Variants in MAP7D3 observed in about 807,000 individuals in gnomAD.
MAP7D3 encodes MAP7 domain-containing protein 3.
MAP7D3 carries 45 observed loss-of-function variants against 62.2 expected under a neutral mutation model. That is an observed-to-expected ratio of 0.72 (90% CI 0.57 to 0.93). The LOEUF is 0.93. MAP7D3 is among the 40% of genes least tolerant of loss of function. MAP7D3 has a pLI of 0.00. For synonymous variants in MAP7D3, 288 were observed against 248.8 expected, an observed-to-expected ratio of 1.16 and a Z score of -1.48; for missense variants, 711 against 683.1, an observed-to-expected ratio of 1.04 and a Z score of -0.45.
At chrX:136,255,317 AAAATTC>A (rs2074545761), upstream of MAP7D3, among the ~76,000 whole-genome samples, 1 of 113,055 alleles carries the variant, frequency 8.8e-6, no homozygotes, top group African/African-American at 3.2e-5. Context: ...TCTTTGAATA[AAAATTC>A]AAACAAGGTC....
rs770927420 is a variant in MAP7D3 at position 136,231,560 on chromosome X, G to A, written c.1397C>T (p.Ala466Val). The change falls in exon 8 of 19, where the codon GCG becomes GTG. Residue 466 changes from alanine (A) to valine (V), a missense_variant. Ala to Val is a moderately conservative substitution (Grantham distance 64). Coordinates refer to ENST00000316077, the MANE Select transcript of MAP7D3 (RefSeq NM_024597.4). The part of the protein sequence containing the change: ...ASMEASPKAK[A>V]RDAPKKSEMD... ...TTGACAAACCTTTGGAGCGTCTCTC[G>A]CTTTTGCCTTGGGAGATGCTTCCAT... 8.4e-6 allele frequency: 10 copies of A among 1,196,624 alleles called. No individual in the cohort carries two copies. In the Admixed American group the frequency reaches 1.1e-4, roughly 13 times the overall value.
At chrX:136,232,525 A>G (rs192039416) in intron 7 of MAP7D3, among the ~76,000 whole-genome samples, 13 of 112,556 alleles carry the variant, frequency 1.2e-4, no homozygotes, top group Non-Finnish European at 1.7e-4. Flanking sequence ...TATTTTAATC[A>G]TACTATATTT....
intron 7 of MAP7D3, 33 bp from the exon 8 acceptor site, chrX:136,232,253 TTAGAAATC>T (rs1214594666): frequency 9.8e-7 from 1 of 1,019,218 alleles, no homozygotes; most frequent in African/African-American, 1.9e-5. Context: ...ATTCCCTAAG[TTAGAAATC>T]TGACAAGAAA....
chrX:136,255,733 G>C (rs1327934569), upstream of MAP7D3, among the ~76,000 whole-genome samples: 1 of 110,754 alleles, frequency 9.0e-6, no homozygotes, highest in African/African-American at 3.3e-5. Context: ...GAACCCAGGC[G>C]GCTCCTCTCC....
chrX:136,253,883 C>T (rs1313566178), upstream of MAP7D3, among the ~76,000 whole-genome samples: 5 of 109,295 alleles, frequency 4.6e-5, no homozygotes, highest in Admixed American at 9.7e-5. Context: ...TGGCACATGC[C>T]TGTAATTCCA....
Position 136,228,732 on chromosome X carries a change from T to C in MAP7D3, c.1777A>G (p.Ile593Val). 1.7e-6 allele frequency: 2 copies of C among 1,200,664 alleles called. No homozygotes were observed. The highest frequency in any genetic ancestry group is 2.2e-6 in the Non-Finnish European group (2 of 889,085). The change falls in exon 11 of 19, where the codon ATT becomes GTT. Residue 593 changes from isoleucine to valine, a missense_variant. Ile to Val is a conservative substitution (Grantham distance 29). Coordinates refer to ENST00000316077, the MANE Select transcript of MAP7D3 (RefSeq NM_024597.4). ...EESGNKSTAGIMNAEAATKIL... is the reference protein window; with the variant it reads ...EESGNKSTAGVMNAEAATKIL... The stretch of plus-strand genomic sequence containing the variant: ...TTTGTTGCCGCCTCGGCATTCATAA[T>C]ACCTGCAGTACTCTTATTACCAGAC...
In MAP7D3 at chrX:136,244,711, A is replaced by G; in HGVS notation, c.338T>C (p.Leu113Pro). ...TTCTTCTTTCTCTTTTCGCTCCTTCAGCTTTCTCTGTCTTTCCTCCATCTG... is the reference window on the plus strand; with the variant it reads ...TTCTTCTTTCTCTTTTCGCTCCTTCGGCTTTCTCTGTCTTTCCTCCATCTG... ...EKQMEERQRK[L>P]KERKEKEEQR... is the part of the protein sequence containing the mutation. The change falls in exon 4 of 19, where the codon CTG becomes CCG. Residue 113 changes from leucine to proline, a missense_variant. Transcript: ENST00000316077. 2.5e-6 allele frequency: 3 copies of G among 1,205,311 alleles called. No homozygotes were observed. The highest frequency in any genetic ancestry group is 3.4e-6 in the Non-Finnish European group (3 of 890,337).
chrX:136,254,384 C>T (rs188452368), upstream of MAP7D3, among the ~76,000 whole-genome samples: 99 of 111,107 alleles, frequency 8.9e-4, no homozygotes, highest in African/African-American at 3.1e-3. Flanking sequence ...TGCGCCCAGC[C>T]GAGTTTTTTT....
intron 1 of MAP7D3, among the ~76,000 whole-genome samples, chrX:136,250,337 G>A (rs1340019983): frequency 8.9e-6 from 1 of 111,964 alleles, no homozygotes; most frequent in Non-Finnish European, 1.9e-5. Context: ...CATAGCAGAG[G>A]GAACTAGTCT....
In MAP7D3 at chrX:136,246,164, T is replaced by C; in HGVS notation, c.170-16A>G. 1.8e-6 allele frequency: 2 copies of C among 1,119,956 alleles called. No individual in the cohort carries two copies. Among genetic ancestry groups the C allele is most frequent in the Non-Finnish European group, 2.4e-6 (2 of 818,141 alleles). The allele number at this position is 1,119,956 out of a possible 1,213,427, so 92.3% of individuals were successfully genotyped here. A position where few individuals can be genotyped will look rare whatever the true frequency, so the allele number is the denominator to read the frequency against. The stretch of plus-strand genomic sequence containing the variant: ...CCATCGATTACTAAAAAAAAAAGAA[T>C]ATAGTTAGATATTAATAGGATATCA... On this transcript the variant is annotated splice_polypyrimidine_tract_variant and intron_variant, in intron 2 of 18. Coordinates refer to ENST00000316077, the MANE Select transcript of MAP7D3 (RefSeq NM_024597.4).
At chrX:136,231,026 C>CT (rs34471049) in intron 8 of MAP7D3, 60 bp from the exon 9 acceptor site, 47,489 of 624,358 alleles carry the variant, frequency 0.076, 36 homozygotes, top group Non-Finnish European at 0.082. Flanking sequence ...CTGCAGCTGG[C>CT]TTTTTTTTTT....
In MAP7D3 at chrX:136,231,992, G is replaced by T; in HGVS notation, c.965C>A (p.Ser322Tyr). 1 of 1,211,588 alleles carries T rather than the reference G, an allele frequency of 8.3e-7. No homozygotes were observed. Among genetic ancestry groups the T allele is most frequent in the Non-Finnish European group, 1.1e-6 (1 of 895,310 alleles). ...GGCCATGCCCACACCTGCCTTGGGGGACGCTTCCATGCTTGTGTTGCAGAA... is the reference window on the plus strand; with the variant it reads ...GGCCATGCCCACACCTGCCTTGGGGTACGCTTCCATGCTTGTGTTGCAGAA... Reference protein sequence around the residue: ...EVFCNTSMEASPKAGVGMAPE... With the variant: ...EVFCNTSMEAYPKAGVGMAPE... Residue 322 changes from serine to tyrosine, a missense_variant, in exon 8 of 19, where the codon TCC becomes TAC. By Grantham distance (144) the Ser-to-Tyr change is moderately radical (BLOSUM62 -2). Coordinates refer to ENST00000316077, the MANE Select transcript of MAP7D3 (RefSeq NM_024597.4).
intron 18 of MAP7D3, 71 bp from the exon 19 acceptor site, chrX:136,218,564 C>T (rs1274583110): frequency 2.7e-5 from 3 of 111,832 alleles, no homozygotes; most frequent in African/African-American, 9.7e-5. Flanking sequence ...TGTCCCTGGC[C>T]TCCCTTCAGG....
chrX:136,225,536 A>G (rs1329156655), intron 13 of MAP7D3, among the ~76,000 whole-genome samples: 1 of 112,068 alleles, frequency 8.9e-6, no homozygotes, highest in Non-Finnish European at 1.9e-5. Flanking sequence ...AAAGAGGCCT[A>G]CAGTTTGTGC....
At chrX:136,230,325 C>A in intron 10 of MAP7D3, 60 bp downstream of exon 10, 1 of 685,469 alleles carries the variant, frequency 1.5e-6, no homozygotes, top group South Asian at 2.6e-5. Context: ...GTGAACCTTT[C>A]CCAGAATACA....
intron 5 of MAP7D3, among the ~76,000 whole-genome samples, 200 bp downstream of exon 5, chrX:136,240,960 T>C (rs1008009556): frequency 8.9e-6 from 1 of 112,287 alleles, no homozygotes; most frequent in Non-Finnish European, 1.9e-5. Context: ...TTTAGGTATA[T>C]TGAGCTAAAT....
chrX:136,246,240 T>C lies in MAP7D3; in HGVS notation c.169+3A>G. On this transcript the variant is annotated splice_donor_region_variant and intron_variant, in intron 2 of 18. Transcript: ENST00000316077. ...ATCTATCAAAGCATCAGAGAAATTA[T>C]ACCTGGTTTAAATGTCGATCTTATA... 8.5e-7 allele frequency: 1 copy of C among 1,176,768 alleles called. No individual in the cohort carries two copies.
intron 14 of MAP7D3, among the ~76,000 whole-genome samples, chrX:136,222,758 T>C (rs2148399304): frequency 9.0e-6 from 1 of 111,088 alleles, no homozygotes; most frequent in South Asian, 3.8e-4. Context: ...GGTTGGCATT[T>C]GTTCTCTGCC....
chrX:136,226,858 G>A (rs2074203391), intron 12 of MAP7D3, among the ~76,000 whole-genome samples: 1 of 111,704 alleles, frequency 9.0e-6, no homozygotes, highest in African/African-American at 3.3e-5. Flanking sequence ...GTTGGGCGCA[G>A]TGGCTTACAC....
Sources: gnomAD v4.1 joint callset for allele counts (sites outside exome capture counted in the v4.1 genomes callset) on GRCh38, gnomAD v4.1.1 for gene constraint, MANE v1.5 for transcripts, NCBI Gene and HGNC (gene_info 2026-07-23, HGNC 2026-07-21) for gene names.